RHOXF1: variants seen among roughly 807,000 people sequenced by gnomAD.
RHOXF1 encodes the protein Rhox homeobox family member 1, also known as PEPP subfamily gene 1.
In RHOXF1, 1 loss-of-function variant was observed where a neutral mutation model predicts 9.7. That is an observed-to-expected ratio of 0.10 (90% CI 0.04 to 0.49). The LOEUF (loss-of-function observed/expected upper bound fraction) is 0.49, where lower values mean the gene tolerates loss of function less well. Among genes scored for constraint, RHOXF1 ranks in the 20% least tolerant of loss-of-function variants. The probability of loss-of-function intolerance (pLI) is 0.95; values close to 1 mark genes in which losing one functional copy is unlikely to be tolerated. For missense variants in RHOXF1, 179 were observed against 168.0 expected (o/e 1.07, Z -0.36); for synonymous variants, 72 against 70.2 (o/e 1.03, Z -0.13).
At chrX:120,114,766 G>A (rs1603391013) in intron 1 of RHOXF1, among the ~76,000 whole-genome samples, 1 of 112,240 alleles carries the variant, frequency 8.9e-6, no homozygotes, top group Non-Finnish European at 1.9e-5. Context: ...ACACCCATTA[G>A]GATGGCTATG....
intron 2 of RHOXF1, among the ~76,000 whole-genome samples, chrX:120,110,060 G>A (rs1481466951): frequency 9.0e-6 from 1 of 111,677 alleles, no homozygotes; most frequent in African/African-American, 3.3e-5. Context: ...TCCTCACTAG[G>A]GAGAGTTTCA....
rs781847765 is a variant in RHOXF1 at position 120,109,236 on chromosome X, G to C, written c.511C>G (p.Leu171Val). The change falls in exon 3 of 3, where the codon CTA (leucine) becomes GTA (valine). Residue 171 changes from leucine (L) to valine (V), a missense_variant. Transcript: ENST00000217999. Reference sequence around the variant, plus strand: ...ACACAGTCGTCTGGGTCAGCACGTAGTTCATTGGCGAGCATTAATTCTCTC... The same window carrying C: ...ACACAGTCGTCTGGGTCAGCACGTACTTCATTGGCGAGCATTAATTCTCTC... ...HQRELMLANE[L>V]RADPDDCVYI... is the part of the protein sequence containing the mutation. 2.5e-6 allele frequency: 3 copies of C among 1,199,042 alleles called. No homozygotes were observed. Among genetic ancestry groups the C allele is most frequent in the Non-Finnish European group, 1.1e-6 (1 of 886,138 alleles).
At chrX:120,119,587 T>C (rs1428370136), upstream of RHOXF1, 5 of 111,957 alleles carry the variant, frequency 4.5e-5, no homozygotes, top group Non-Finnish European at 9.4e-5. Context: ...CGGGGTACAC[T>C]GTGGAAATCT....
At chrX:120,114,368 AC>A (rs375007158) in intron 1 of RHOXF1, among the ~76,000 whole-genome samples, 121 of 111,032 alleles carry the variant, frequency 1.1e-3, no homozygotes, top group African/African-American at 3.7e-3. Context: ...CTCAACAAAA[AC>A]AACAACAACA....
At chrX:120,110,507 G>T (rs1165948628) in intron 2 of RHOXF1, among the ~76,000 whole-genome samples, 1 of 111,472 alleles carries the variant, frequency 9.0e-6, no homozygotes, top group Non-Finnish European at 1.9e-5. Context: ...CTGTAGCCCA[G>T]TAAGGCAGGG....
intron 2 of RHOXF1, among the ~76,000 whole-genome samples, chrX:120,111,425 C>A (rs1423066776): frequency 8.9e-6 from 1 of 111,877 alleles, no homozygotes; most frequent in African/African-American, 3.2e-5. Context: ...TACACTCACA[C>A]ATGCACTCTG....
chrX:120,114,144 C>CA (rs1294905362), intron 1 of RHOXF1, among the ~76,000 whole-genome samples: 1 of 108,435 alleles, frequency 9.2e-6, no homozygotes, highest in Non-Finnish European at 1.9e-5. Flanking sequence ...ACCAAACAAA[C>CA]AAAAAAAAAC....
chrX:120,115,913 T>G lies in RHOXF1; in HGVS notation c.-51A>C. ...AACTCCGTGGCGTCTGCAGCTGGAG[T>G]GGGGGTTAGAGGGTGGAGCTAGTTC... On this transcript the variant is annotated 5_prime_UTR_variant, in exon 1 of 3. Coordinates refer to ENST00000217999, the MANE Select transcript of RHOXF1 (RefSeq NM_139282.3). The G allele has an allele frequency of 9.1e-7, 1 of 1,101,765 alleles. No homozygotes were observed. Among genetic ancestry groups the G allele is most frequent in the Non-Finnish European group, 1.2e-6 (1 of 838,488 alleles). The allele number at this position is 1,101,765 out of a possible 1,213,427, so 90.8% of individuals were successfully genotyped here.
chrX:120,119,914 G>T (rs1390857932), upstream of RHOXF1, among the ~76,000 whole-genome samples: 2 of 111,446 alleles, frequency 1.8e-5, no homozygotes, highest in Non-Finnish European at 3.8e-5. Context: ...GGTACAGTAG[G>T]TAAGGTAACT....
At chrX:120,117,799 C>G (rs1297638735), upstream of RHOXF1, 5 of 112,019 alleles carry the variant, frequency 4.5e-5, no homozygotes, top group Non-Finnish European at 9.4e-5. Flanking sequence ...TTGTGGGGAG[C>G]AGGAAAGGAC....
intron 1 of RHOXF1, among the ~76,000 whole-genome samples, chrX:120,114,437 T>A (rs2057284441): frequency 9.0e-6 from 1 of 110,597 alleles, no homozygotes. Context: ...TTGGACTATA[T>A]CAAAATTTAA....
chrX:120,111,814 T>C (rs1001155981), intron 2 of RHOXF1, among the ~76,000 whole-genome samples: 2 of 112,169 alleles, frequency 1.8e-5, no homozygotes, highest in Non-Finnish European at 3.8e-5. Context: ...ATTTTGACCA[T>C]ATTTCTCTCT....
chrX:120,119,035 C>T (rs781884341), upstream of RHOXF1, among the ~76,000 whole-genome samples: 1 of 111,313 alleles, frequency 9.0e-6, no homozygotes, highest in South Asian at 3.8e-4. Flanking sequence ...AAACATGGTA[C>T]GTGTATTGTT....
upstream of RHOXF1, among the ~76,000 whole-genome samples, chrX:120,119,073 A>G (rs1179685282): frequency 9.0e-6 from 1 of 111,672 alleles, no homozygotes; most frequent in Admixed American, 9.5e-5. Flanking sequence ...TATCTTTATT[A>G]CATGCTGCCA....
Position 120,112,538 on chromosome X carries a change from A to C in RHOXF1, c.444+331T>G, listed in dbSNP as rs868970326. ...TATAATACACATATGTATTATATAT[A>C]ATACATATATGTATAATATATGTGT... On this transcript the variant is annotated intron_variant, in intron 2 of 2. Coordinates refer to ENST00000217999, the MANE Select transcript of RHOXF1 (RefSeq NM_139282.3). 7.7e-4 allele frequency among the ~76,000 whole-genome samples: 23 copies of C among 30,002 alleles called. No homozygotes were observed. The African/African-American group carries it at 8.2e-3, about 11-fold the overall frequency. The allele number at this position is 30,002 out of a possible 115,157, so 26.1% of individuals were successfully genotyped here.
Position 120,112,862 on chromosome X carries a change from T to C in RHOXF1, c.444+7A>G. On this transcript the variant is annotated splice_region_variant and intron_variant, in intron 2 of 2. Transcript: ENST00000217999. ...TCCTCTCAAATTGCTTTTTCAAGTG[T>C]ACTGACCCGCACTTTGTCTTCAGTC... is the stretch of plus-strand genomic sequence containing the variant. The C allele has an allele frequency of 1.7e-6, 2 of 1,190,180 alleles. No homozygotes were observed. The highest frequency in any genetic ancestry group is 2.3e-6 in the Non-Finnish European group (2 of 877,598).
At chrX:120,119,037 T>C (rs1470595111), upstream of RHOXF1, among the ~76,000 whole-genome samples, 2 of 111,429 alleles carry the variant, frequency 1.8e-5, no homozygotes, top group South Asian at 3.8e-4. Flanking sequence ...ACATGGTACG[T>C]GTATTGTTTT....
At chrX:120,110,237 C>T (rs1221189150) in intron 2 of RHOXF1, among the ~76,000 whole-genome samples, 2 of 111,951 alleles carry the variant, frequency 1.8e-5, no homozygotes, top group Non-Finnish European at 3.8e-5. Context: ...ATCATTCGTC[C>T]TCTGGCAAGA....
chrX:120,115,688 C>T lies in RHOXF1; in HGVS notation c.175G>A (p.Gly59Ser), dbSNP rs782032966. The change falls in exon 1 of 3, where the codon GGC (glycine) becomes AGC (serine). Residue 59 changes from glycine (G) to serine (S), a missense_variant. By Grantham distance (56) the Gly-to-Ser change is moderately conservative. Coordinates refer to ENST00000217999, the MANE Select transcript of RHOXF1 (RefSeq NM_139282.3). ...ATCATGCCGCCATCGCGGTTCATGC[C>T]GTTCTCGTGGTTCACACCGCCCTCA... ...NPEGGVNHENGMNRDGGMIPE... is the reference protein window; with the variant it reads ...NPEGGVNHENSMNRDGGMIPE... 5.8e-6 allele frequency: 7 copies of T among 1,204,311 alleles called. No homozygotes were observed. In the African/African-American group the frequency reaches 7.0e-5, roughly 12 times the overall value.
Sources: allele counts gnomAD v4.1 joint callset (sites outside exome capture counted in the v4.1 genomes callset), GRCh38; gene constraint gnomAD v4.1.1; transcripts MANE v1.5; gene names NCBI Gene and HGNC (gene_info 2026-07-23, HGNC 2026-07-21).